Variants in FAM117A observed in about 807,000 individuals in gnomAD.
FAM117A encodes protein FAM117A.
In FAM117A, 21 loss-of-function variants were observed where a neutral mutation model predicts 44.1. The ratio of observed to expected loss-of-function variants is 0.48; its 90% confidence interval spans 0.34 to 0.69. FAM117A has a LOEUF of 0.69. FAM117A is among the 30% of genes least tolerant of loss of function. FAM117A has a pLI of 0.01. For missense variants in FAM117A, 498 were observed against 589.9 expected (o/e 0.84, Z 1.61); for synonymous variants, 220 against 238.3 (o/e 0.92, Z 0.71).
At chr17:49,749,343 A>G (rs879781921) in intron 1 of FAM117A, among the ~76,000 whole-genome samples, 15 of 151,924 alleles carry the variant, frequency 9.9e-5, no homozygotes, top group South Asian at 2.1e-4. Context: ...TTTGGGAGGC[A>G]AGGTGGGCGG....
intron 1 of FAM117A, among the ~76,000 whole-genome samples, chr17:49,783,045 T>C (rs2073794543): frequency 6.6e-6 from 1 of 152,200 alleles, no homozygotes; most frequent in Non-Finnish European, 1.5e-5. Context: ...TTGGTTTTGC[T>C]GGAATAAAAA....
At chr17:49,739,947 A>C (rs1218356898) in intron 1 of FAM117A, among the ~76,000 whole-genome samples, 1 of 152,262 alleles carries the variant, frequency 6.6e-6, no homozygotes, top group African/African-American at 2.4e-5. Context: ...GCAGCTGAGC[A>C]GTGGCGGATG....
At chr17:49,782,926 T>C (rs922515414) in intron 1 of FAM117A, among the ~76,000 whole-genome samples, 7 of 152,200 alleles carry the variant, frequency 4.6e-5, no homozygotes, top group Non-Finnish European at 4.4e-5. Context: ...GCCTAGCACC[T>C]ATCAGGTGTT....
At chr17:49,768,271 A>G (rs1401424702), upstream of FAM117A, among the ~76,000 whole-genome samples, 1 of 152,132 alleles carries the variant, frequency 6.6e-6, no homozygotes, top group Non-Finnish European at 1.5e-5. Flanking sequence ...TCCACTCCTG[A>G]AGGACCTCGC....
intron 2 of FAM117A, among the ~76,000 whole-genome samples, chr17:49,727,973 G>A (rs1286043519): frequency 6.6e-6 from 1 of 152,236 alleles, no homozygotes; most frequent in Admixed American, 6.5e-5. Context: ...CAGTCCCTTA[G>A]GTCTCCGGCC....
intron 1 of FAM117A, among the ~76,000 whole-genome samples, chr17:49,780,751 G>A (rs558558365): frequency 2.0e-5 from 3 of 152,284 alleles, no homozygotes; most frequent in African/African-American, 7.2e-5. Context: ...GATCTTGACA[G>A]CATTCACCAC....
At chr17:49,778,282 G>C (rs560090124) in intron 1 of FAM117A, among the ~76,000 whole-genome samples, 3 of 152,266 alleles carry the variant, frequency 2.0e-5, no homozygotes, top group Non-Finnish European at 2.9e-5. Flanking sequence ...CATTTCTTGA[G>C]TCCCTATTAA....
intron 7 of FAM117A, among the ~76,000 whole-genome samples, chr17:49,713,689 TG>T (rs1394501015): frequency 1.3e-5 from 2 of 151,890 alleles, no homozygotes; most frequent in African/African-American, 4.8e-5. Flanking sequence ...TAACATTTTT[TG>T]TAGAGAGGGT....
chr17:49,788,953 T>G, upstream of FAM117A: 1 of 1,111,226 alleles, frequency 9.0e-7, no homozygotes, highest in Non-Finnish European at 1.2e-6. Flanking sequence ...AACTTTCCGC[T>G]CCCCCGAACC....
At chr17:49,738,667 G>C (rs1215787864) in intron 1 of FAM117A, among the ~76,000 whole-genome samples, 1 of 152,182 alleles carries the variant, frequency 6.6e-6, no homozygotes, top group African/African-American at 2.4e-5. Context: ...TGAGATGACA[G>C]AATTACCTTC....
At chr17:49,753,243 G>A (rs1218664787) in intron 1 of FAM117A, among the ~76,000 whole-genome samples, 3 of 152,208 alleles carry the variant, frequency 2.0e-5, no homozygotes, top group Non-Finnish European at 4.4e-5. Flanking sequence ...AACAAATGCT[G>A]GAGGTGTGCT....
chr17:49,734,434 A>C (rs1479752177), intron 1 of FAM117A, among the ~76,000 whole-genome samples: 4 of 151,368 alleles, frequency 2.6e-5, no homozygotes, highest in South Asian at 2.1e-4. Context: ...CTAAAAACAA[A>C]AAAAAAAATT....
Position 49,717,669 on chromosome 17 carries a change from T to C in FAM117A, c.754A>G (p.Ser252Gly), listed in dbSNP as rs756476334. The change falls in exon 6 of 8, where the codon AGT becomes GGT. Residue 252 changes from serine to glycine, a missense_variant. Transcript: ENST00000240364. ...DGHRAPAPPQ[S>G]GSCDHPLLLL... ...AGGAGGGGATGATCACAGCTGCCAC[T>C]CTGGGGAGGAGCTGGGGCCCGGTGC... The C allele has an allele frequency of 6.2e-7, 1 of 1,613,582 alleles. No individual in the cohort carries two copies. The highest frequency in any genetic ancestry group is 8.5e-7 in the Non-Finnish European group (1 of 1,179,642).
intron 1 of FAM117A, chr17:49,773,452 GCAAGACT>G (rs2073767251): frequency 1.4e-5 from 2 of 140,958 alleles, no homozygotes; most frequent in African/African-American, 5.4e-5. Flanking sequence ...GGGCAGCAGA[GCAAGACT>G]CCAACCAAAA....
At chr17:49,769,050 C>T (rs1160298476), upstream of FAM117A, among the ~76,000 whole-genome samples, 4 of 152,184 alleles carry the variant, frequency 2.6e-5, no homozygotes, top group Non-Finnish European at 4.4e-5. Context: ...AATCCCAGCA[C>T]TTTGGGAGGC....
chr17:49,734,781 G>A (rs1042101899), intron 1 of FAM117A, among the ~76,000 whole-genome samples: 1 of 152,080 alleles, frequency 6.6e-6, no homozygotes, highest in Non-Finnish European at 1.5e-5. Context: ...GGAGCAACCC[G>A]AGCATCCACG....
At chr17:49,723,718 C>T (rs2073546106) in intron 2 of FAM117A, among the ~76,000 whole-genome samples, 4 of 151,980 alleles carry the variant, frequency 2.6e-5, no homozygotes, top group Admixed American at 2.6e-4. Flanking sequence ...AGGAGCTCGG[C>T]GGGGGAGTCT....
intron 1 of FAM117A, among the ~76,000 whole-genome samples, chr17:49,761,408 A>G (rs144868390): frequency 7.9e-5 from 12 of 152,366 alleles, no homozygotes; most frequent in African/African-American, 1.4e-4. Context: ...AGCAGAGGGA[A>G]TAATAATATA....
At chr17:49,742,342 GA>G (rs902954962) in intron 1 of FAM117A, among the ~76,000 whole-genome samples, 2 of 151,764 alleles carry the variant, frequency 1.3e-5, no homozygotes, top group African/African-American at 2.4e-5. Flanking sequence ...GTCATTGTGG[GA>G]AAAAAAATAA....
Sources: gnomAD v4.1 joint callset for allele counts (sites outside exome capture counted in the v4.1 genomes callset) on GRCh38, gnomAD v4.1.1 for gene constraint, MANE v1.5 for transcripts, NCBI Gene and HGNC (gene_info 2026-07-23, HGNC 2026-07-21) for gene names.